LDB3: variants seen among roughly 807,000 people sequenced by gnomAD.
LDB3 encodes the protein LIM domain-binding protein 3.
A neutral mutation model predicts 69.0 loss-of-function variants in LDB3; 49 were observed. The ratio of observed to expected loss-of-function variants is 0.71; its 90% confidence interval spans 0.56 to 0.90. LDB3 has a LOEUF of 0.90. LDB3 is among the 40% of genes least tolerant of loss of function. LDB3 has a pLI of 0.00. For missense variants in LDB3, 928 were observed against 974.1 expected (o/e 0.95, Z 0.63); for synonymous variants, 387 against 396.2 (o/e 0.98, Z 0.28).
upstream of LDB3, among the ~76,000 whole-genome samples, chr10:86,667,956 G>T (rs1844243673): frequency 6.6e-6 from 1 of 152,226 alleles, no homozygotes; most frequent in South Asian, 2.1e-4. Flanking sequence ...ACCTCCCTGA[G>T]CTTTGTCTCC....
chr10:86,672,681 G>A (rs1174249825), intron 2 of LDB3, among the ~76,000 whole-genome samples: 1 of 152,222 alleles, frequency 6.6e-6, no homozygotes, highest in Non-Finnish European at 1.5e-5. Context: ...GCTCACAGCT[G>A]GGGAATGCAT....
rs900962581 is a variant in LDB3, at chr10:86,734,718, G to T, written c.*1742G>T. 2.0e-5 allele frequency: 3 copies of T among 152,170 alleles called. No homozygotes were observed. Among genetic ancestry groups the T allele is most frequent in the African/African-American group, 7.2e-5 (3 of 41,414 alleles). The allele number at this position is 152,170 out of a possible 1,614,324, so 9.4% of individuals were successfully genotyped here. ...GCACGAAGCCACCAGTCTCCCCCAG[G>T]GAGCATCAGGAAGGGACATGGATGT... On this transcript the variant is annotated 3_prime_UTR_variant, in exon 14 of 14. Transcript: ENST00000361373.
intron 12 of LDB3, among the ~76,000 whole-genome samples, chr10:86,719,374 G>A (rs1231293625): frequency 2.0e-5 from 3 of 148,912 alleles, no homozygotes; most frequent in African/African-American, 7.5e-5. Context: ...CTAGGCAACA[G>A]AGTAAGATCC....
chr10:86,705,054 CA>C (rs1420291282), intron 7 of LDB3, among the ~76,000 whole-genome samples: 1 of 152,154 alleles, frequency 6.6e-6, no homozygotes, highest in African/African-American at 2.4e-5. Context: ...CTTAGTAATG[CA>C]AAGTATTGTT....
chr10:86,686,990 C>A, intron 5 of LDB3: 1 of 1,399,878 alleles, frequency 7.1e-7, no homozygotes, highest in Non-Finnish European at 1.0e-6. Flanking sequence ...CAGCCCTTGC[C>A]TTGGCCACCC....
At chr10:86,706,813 A>C (rs1846463759) in intron 8 of LDB3, 94 bp downstream of exon 8, 13 of 1,369,706 alleles carry the variant, frequency 9.5e-6, no homozygotes, top group Non-Finnish European at 1.3e-5. Context: ...TGTCCAAGGT[A>C]GTTAGGGCCC....
intron 13 of LDB3, among the ~76,000 whole-genome samples, chr10:86,728,530 C>A (rs993676997): frequency 1.1e-4 from 16 of 151,998 alleles, no homozygotes; most frequent in African/African-American, 3.9e-4. Context: ...TCCAAACCAG[C>A]CTGCATGATA....
At chr10:86,719,307 G>A (rs1429486879) in intron 12 of LDB3, among the ~76,000 whole-genome samples, 3 of 152,034 alleles carry the variant, frequency 2.0e-5, no homozygotes, top group South Asian at 2.1e-4. Context: ...TGGGAGGGTC[G>A]CTTGAGTCCA....
At chr10:86,718,276 G>C (rs1319058053) in intron 11 of LDB3, 132 bp downstream of exon 11, 4 of 852,418 alleles carry the variant, frequency 4.7e-6, no homozygotes, top group Non-Finnish European at 7.8e-6. Flanking sequence ...TCCTAAAAGG[G>C]AATTGGTTTG....
At chr10:86,689,620 A>G (rs4934251) in intron 5 of LDB3, among the ~76,000 whole-genome samples, 124,586 of 152,090 alleles carry the variant, frequency 0.82, 51,696 homozygotes, top group Non-Finnish European at 0.88. Flanking sequence ...GTGTAGACCC[A>G]GACATTAGAA....
chr10:86,713,011 G>C (rs1296103928), intron 9 of LDB3, among the ~76,000 whole-genome samples: 1 of 152,026 alleles, frequency 6.6e-6, no homozygotes, highest in East Asian at 1.9e-4. Flanking sequence ...CTGTGAAGCC[G>C]AGATTGCGCC....
chr10:86,695,494 C>A (rs1845956895), intron 7 of LDB3, among the ~76,000 whole-genome samples: 1 of 152,176 alleles, frequency 6.6e-6, no homozygotes, highest in African/African-American at 2.4e-5. Context: ...TGGGGGAGGC[C>A]TGAACAGGCC....
At chr10:86,726,507 CA>C (rs1390863182) in intron 13 of LDB3, 6 of 508,254 alleles carry the variant, frequency 1.2e-5, no homozygotes, top group African/African-American at 1.2e-4. Context: ...CAGGGTTTGG[CA>C]AACCAGCGGC....
chr10:86,691,980 T>G lies in LDB3; in HGVS notation c.774T>G (p.Asp258Glu). 6.2e-7 allele frequency: 1 copy of G among 1,614,186 alleles called. No individual in the cohort carries two copies. The highest frequency in any genetic ancestry group is 8.5e-7 in the Non-Finnish European group (1 of 1,180,044). The change falls in exon 6 of 14, where the codon GAT becomes GAG. Residue 258 changes from aspartate (D) to glutamate (E), a missense_variant. By Grantham distance (45) the Asp-to-Glu change is conservative. Coordinates refer to ENST00000361373, the MANE Select transcript of LDB3 (RefSeq NM_007078.3). ...AVIKSQNKPE[D>E]EADEWARRSS... The stretch of plus-strand genomic sequence containing the variant: ...TTAAGAGCCAGAACAAGCCAGAAGA[T>G]GAGGCTGACGAGTGGGCACGCCGTT...
chr10:86,694,355 A>G (rs1845910287), intron 7 of LDB3, among the ~76,000 whole-genome samples: 1 of 152,068 alleles, frequency 6.6e-6, no homozygotes, highest in African/African-American at 2.4e-5. Context: ...ACCCCATGAA[A>G]GTTTGGTTCA....
intron 12 of LDB3, 64 bp from the exon 13 acceptor site, chr10:86,726,073 T>C: frequency 8.6e-7 from 1 of 1,164,114 alleles, no homozygotes; most frequent in Non-Finnish European, 1.3e-6. Flanking sequence ...TTGGGGTTTG[T>C]CTTGGCTTTG....
chr10:86,695,070 C>T (rs1241137052), intron 7 of LDB3, among the ~76,000 whole-genome samples: 1 of 152,240 alleles, frequency 6.6e-6, no homozygotes, highest in Admixed American at 6.5e-5. Context: ...CCAGCAGAGC[C>T]TGGGTTTGCC....
chr10:86,681,912 G>A (rs953482767), intron 5 of LDB3, 109 bp downstream of exon 5: 7 of 1,167,948 alleles, frequency 6.0e-6, no homozygotes, highest in Non-Finnish European at 7.3e-6. Context: ...CCCCAATCCA[G>A]CCAGCCCCGA....
chr10:86,679,953 C>T, intron 3 of LDB3, 129 bp from the exon 4 acceptor site: 1 of 831,230 alleles, frequency 1.2e-6, no homozygotes, highest in Non-Finnish European at 2.0e-6. Flanking sequence ...ATCTGGGGCC[C>T]TCTGACTCAG....
Sources: gnomAD v4.1 joint callset for allele counts (sites outside exome capture counted in the v4.1 genomes callset) on GRCh38, gnomAD v4.1.1 for gene constraint, MANE v1.5 for transcripts, NCBI Gene and HGNC (gene_info 2026-07-23, HGNC 2026-07-21) for gene names.